Variants in ECHS1 observed in about 807,000 individuals in gnomAD.
ECHS1 encodes enoyl-CoA hydratase, mitochondrial.
A neutral mutation model predicts 33.5 loss-of-function variants in ECHS1; 19 were observed. That is an observed-to-expected ratio of 0.57 (90% CI 0.40 to 0.83). The LOEUF (loss-of-function observed/expected upper bound fraction) is 0.83. ECHS1 is among the 40% of genes least tolerant of loss of function. ECHS1 has a pLI of 0.00. For synonymous variants in ECHS1, 158 were observed against 146.6 expected (o/e 1.08, Z -0.56); for missense variants, 365 against 381.3 (o/e 0.96, Z 0.36).
intron 6 of ECHS1, 65 bp downstream of exon 6, chr10:133,365,911 G>A: frequency 6.3e-7 from 1 of 1,589,062 alleles, no homozygotes; most frequent in Non-Finnish European, 8.6e-7. Flanking sequence ...CAGAAAGCCT[G>A]CTGCTGAGGA....
intron 1 of ECHS1, among the ~76,000 whole-genome samples, chr10:133,372,155 G>A (rs1391522242): frequency 2.0e-5 from 3 of 152,214 alleles, no homozygotes; most frequent in Non-Finnish European, 4.4e-5. Flanking sequence ...AGCAGTGCCC[G>A]CCATGCAAGA....
Position 133,362,791 on chromosome 10 carries a change from T to A in ECHS1, c.*77A>T. The A allele has an allele frequency of 6.7e-7, 1 of 1,496,114 alleles. No homozygotes were observed. Among genetic ancestry groups the A allele is most frequent in the Non-Finnish European group, 9.3e-7 (1 of 1,072,768 alleles). The allele number at this position is 1,496,114 out of a possible 1,614,324, so 92.7% of individuals were successfully genotyped here. The stretch of plus-strand genomic sequence containing the variant: ...ACGGACACTGCTCTTGAAAAGAGGA[T>A]GATTTACTTGCTTCTAAAACTGACA... On this transcript the variant is annotated 3_prime_UTR_variant, in exon 8 of 8. Transcript: ENST00000368547.
At chr10:133,368,121 A>G (rs144364671) in intron 4 of ECHS1, among the ~76,000 whole-genome samples, 4,881 of 152,130 alleles carry the variant, frequency 0.032, 237 homozygotes, top group African/African-American at 0.11. Flanking sequence ...CATGGGGAGA[A>G]CACCTGCTAA....
At chr10:133,365,057 A>G (rs1256285993) in intron 6 of ECHS1, among the ~76,000 whole-genome samples, 7 of 152,240 alleles carry the variant, frequency 4.6e-5, no homozygotes, top group Admixed American at 1.3e-4. Context: ...AGAGAAAAAT[A>G]ACCAAGGATG....
Position 133,368,922 on chromosome 10 carries a change from C to G in ECHS1, c.514+1G>C. ...ATGCCAGAGACAGTGTCACTCTTTA[C>G]CTGGGATGGTTCCTATTAAGATCTC... On this transcript the variant is annotated splice_donor_variant, in intron 4 of 7. Coordinates refer to ENST00000368547, the MANE Select transcript of ECHS1 (RefSeq NM_004092.4). LOFTEE classifies it high-confidence loss of function. 1.2e-6 allele frequency: 2 copies of G among 1,613,232 alleles called. No individual in the cohort carries two copies. Among genetic ancestry groups the G allele is most frequent in the Non-Finnish European group, 1.7e-6 (2 of 1,179,558 alleles).
intron 7 of ECHS1, among the ~76,000 whole-genome samples, chr10:133,363,517 C>T (rs531517826): frequency 6.6e-6 from 1 of 152,362 alleles, no homozygotes; most frequent in South Asian, 2.1e-4. Flanking sequence ...GGTGCAGTGG[C>T]TCACGCCTAT....
chr10:133,364,756 G>C (rs1849007710), intron 6 of ECHS1, 31 bp from the exon 7 acceptor site: 1 of 1,574,492 alleles, frequency 6.4e-7, no homozygotes, highest in Non-Finnish European at 8.7e-7. Context: ...GTTATGAACG[G>C]AGATATTACA....
Position 133,365,977 on chromosome 10 carries a change from T to C in ECHS1, c.738A>G (p.Ala246=). The change falls in exon 6 of 8, where the codon GCA becomes GCG. Residue 246 remains alanine, a splice_region_variant and synonymous_variant. Coordinates refer to ENST00000368547, the MANE Select transcript of ECHS1 (RefSeq NM_004092.4). ...GTGTCTTCCTGGCAGATCCCCTACC[T>C]GCATTCACTGATTCTTTGGCCATCG... ...VVAMAKESVN[A]AFEMTLTEGS... is the part of the protein sequence containing the mutation. 1.2e-6 allele frequency: 2 copies of C among 1,613,780 alleles called. No individual in the cohort carries two copies. Among genetic ancestry groups the C allele is most frequent in the Non-Finnish European group, 8.5e-7 (1 of 1,179,998 alleles).
chr10:133,369,174 T>C, intron 3 of ECHS1, 152 bp from the exon 4 acceptor site: 1 of 670,236 alleles, frequency 1.5e-6, no homozygotes, highest in Non-Finnish European at 2.6e-6. Flanking sequence ...ATTGTTATGA[T>C]AAGTTAACTA....
chr10:133,363,827 CT>C (rs1422014938), intron 7 of ECHS1, among the ~76,000 whole-genome samples: 6 of 152,266 alleles, frequency 3.9e-5, no homozygotes, highest in Admixed American at 3.9e-4. Context: ...AGAGGAATTA[CT>C]TTAAGTTACT....
At chr10:133,364,336 G>C (rs1276626925) in intron 7 of ECHS1, among the ~76,000 whole-genome samples, 1 of 152,100 alleles carries the variant, frequency 6.6e-6, no homozygotes, top group African/African-American at 2.4e-5. Context: ...CAGGAAGCTG[G>C]GGCTACGGAT....
chr10:133,366,672 C>A (rs1459500725), intron 5 of ECHS1, among the ~76,000 whole-genome samples: 4 of 151,366 alleles, frequency 2.6e-5, no homozygotes, highest in African/African-American at 9.8e-5. Flanking sequence ...ATGGGGGACA[C>A]CTGGATGCAG....
At chr10:133,365,867 G>T in intron 6 of ECHS1, 109 bp downstream of exon 6, 2 of 1,376,582 alleles carry the variant, frequency 1.5e-6, no homozygotes, top group Non-Finnish European at 1.0e-6. Flanking sequence ...AAGCATTTCT[G>T]CCCAGGAGGG....
chr10:133,363,677 G>A (rs566939282), intron 7 of ECHS1, among the ~76,000 whole-genome samples: 82 of 152,210 alleles, frequency 5.4e-4, no homozygotes, highest in African/African-American at 1.8e-3. Context: ...CCAGCTACTC[G>A]GGAGGCTGAA....
intron 6 of ECHS1, 21 bp from the exon 7 acceptor site, chr10:133,364,746 G>A (rs1360060005): frequency 3.1e-6 from 5 of 1,598,176 alleles, no homozygotes; most frequent in Admixed American, 1.7e-5. Context: ...AAGTCCCAGA[G>A]TTATGAACGG....
At position 133,366,877 on chromosome 10, in the gene ECHS1, C is replaced by T. The variant is rs367671117; in HGVS notation, c.619+12G>A. 6.2e-7 allele frequency: 1 copy of T among 1,605,576 alleles called. No homozygotes were observed. Among genetic ancestry groups the T allele is most frequent in the South Asian group, 1.1e-5 (1 of 90,980 alleles). On this transcript the variant is annotated intron_variant, in intron 5 of 7. Coordinates refer to ENST00000368547, the MANE Select transcript of ECHS1 (RefSeq NM_004092.4). Reference sequence around the variant, plus strand: ...TTTCCAGGTGGCTCTTGCGGGCAGCCCCAACCCATACCTGCTTGCTTGGCG... The same window carrying T: ...TTTCCAGGTGGCTCTTGCGGGCAGCTCCAACCCATACCTGCTTGCTTGGCG...
Position 133,362,816 on chromosome 10 carries a change from A to G in ECHS1, c.*52T>C. 1 of 1,572,328 alleles carries G rather than the reference A, an allele frequency of 6.4e-7. No individual in the cohort carries two copies. The highest frequency in any genetic ancestry group is 8.8e-7 in the Non-Finnish European group (1 of 1,141,980). ...TGATTTACTTGCTTCTAAAACTGAC[A>G]GGCTGCACTTGTCCTCTCCAAGCAG... On this transcript the variant is annotated 3_prime_UTR_variant, in exon 8 of 8. Coordinates refer to ENST00000368547, the MANE Select transcript of ECHS1 (RefSeq NM_004092.4).
At chr10:133,366,833 G>A in intron 5 of ECHS1, 56 bp downstream of exon 5, 2 of 1,422,268 alleles carry the variant, frequency 1.4e-6, no homozygotes, top group Non-Finnish European at 2.0e-6. Flanking sequence ...CTGGGTTTCT[G>A]TGGGGCTCCC....
At chr10:133,369,847 T>C in intron 3 of ECHS1, 57 bp downstream of exon 3, 2 of 1,599,924 alleles carry the variant, frequency 1.3e-6, no homozygotes, top group Admixed American at 1.7e-5. Flanking sequence ...ATGCTGTGTA[T>C]GCACAGCACG....
Sources: allele counts gnomAD v4.1 joint callset (sites outside exome capture counted in the v4.1 genomes callset), GRCh38; gene constraint gnomAD v4.1.1; transcripts MANE v1.5; gene names NCBI Gene and HGNC (gene_info 2026-07-23, HGNC 2026-07-21).